The following UBE3D variants were observed in gnomAD, a reference collection of about 807,000 sequenced individuals.
UBE3D encodes the protein ubiquitin protein ligase E3D.
Under a neutral mutation model 49.6 loss-of-function variants are expected in UBE3D, and 48 were observed. The observed-to-expected ratio is 0.97, with a 90% CI of 0.77 to 1.23. The LOEUF (loss-of-function observed/expected upper bound fraction) is 1.23, where lower values mean the gene tolerates loss of function less well. Among genes scored for constraint, UBE3D ranks in the 50% most tolerant of loss-of-function variants. The probability of loss-of-function intolerance (pLI) is 0.00; values close to 1 mark genes in which losing one functional copy is unlikely to be tolerated. For missense variants in UBE3D, 452 were observed against 468.4 expected, an observed-to-expected ratio of 0.96 and a Z score of 0.32; for synonymous variants, 189 against 174.2, an observed-to-expected ratio of 1.08 and a Z score of -0.67.
chr6:82,954,056 A>T (rs1775987489), intron 9 of UBE3D, among the ~76,000 whole-genome samples: 1 of 152,184 alleles, frequency 6.6e-6, no homozygotes, highest in African/African-American at 2.4e-5. Context: ...GCAGAGTGAG[A>T]GTGAGAGAGC....
chr6:83,018,683 A>T, intron 8 of UBE3D: 1 of 309,494 alleles, frequency 3.2e-6, no homozygotes, highest in Non-Finnish European at 5.9e-6. Flanking sequence ...TTATTGGTAA[A>T]TATTCATCAC....
At chr6:82,882,168 G>T in the UBE3D span, among the ~76,000 whole-genome samples, 1 of 152,094 alleles carries the variant, frequency 6.6e-6, no homozygotes, top group Admixed American at 6.6e-5. Flanking sequence ...GGAAAATCTT[G>T]CACCCTCACT....
intron 9 of UBE3D, among the ~76,000 whole-genome samples, chr6:82,921,469 T>C (rs1357142552): frequency 6.6e-6 from 1 of 152,004 alleles, no homozygotes; most frequent in Non-Finnish European, 1.5e-5. Context: ...CCATGCAAAA[T>C]AGCACACTGG....
Position 83,023,982 on chromosome 6 carries a change from G to C in UBE3D, c.724C>G (p.Pro242Ala), listed in dbSNP as rs755149882. 31 of 1,533,180 alleles carry C rather than the reference G, an allele frequency of 2.0e-5. No individual in the cohort carries two copies. Among genetic ancestry groups the C allele is most frequent in the Non-Finnish European group, 2.7e-5 (31 of 1,146,958 alleles). 95.0% of individuals were successfully genotyped at this position (1,533,180 alleles called of 1,614,324 possible). The change falls in exon 6 of 10, where the codon CCT becomes GCT. Residue 242 changes from proline to alanine, a missense_variant. Pro to Ala is a conservative substitution (Grantham distance 27). Transcript: ENST00000369747. ...IIIQSSERSFPIIPRSWFVQS... is the reference protein window; with the variant it reads ...IIIQSSERSFAIIPRSWFVQS... ...TGCTATTTGTACCTTGGTATGATAG[G>C]AAAACTCCTCTCAGATGACTGAATA...
chr6:82,987,279 G>A (rs58814087), intron 8 of UBE3D, among the ~76,000 whole-genome samples: 5,204 of 152,204 alleles, frequency 0.034, 146 homozygotes, highest in East Asian at 0.1. Flanking sequence ...TACTTGAAGT[G>A]CTGGGATTAA....
chr6:82,925,291 T>C (rs917510869), intron 9 of UBE3D, among the ~76,000 whole-genome samples: 1 of 152,166 alleles, frequency 6.6e-6, no homozygotes, highest in Non-Finnish European at 1.5e-5. Flanking sequence ...AGCCATCTAC[T>C]GAAACAAAAA....
At chr6:82,884,899 G>T in the UBE3D span, among the ~76,000 whole-genome samples, 1 of 152,172 alleles carries the variant, frequency 6.6e-6, no homozygotes, top group African/African-American at 2.4e-5. Context: ...AAAGTAAATT[G>T]AACTTTAGTC....
chr6:82,964,431 G>GA (rs755624463), intron 8 of UBE3D, among the ~76,000 whole-genome samples: 3 of 152,058 alleles, frequency 2.0e-5, no homozygotes, highest in East Asian at 3.8e-4. Flanking sequence ...GTGTAGAGAA[G>GA]AAAAAATGGT....
At chr6:82,940,708 G>A (rs1233928011) in intron 9 of UBE3D, among the ~76,000 whole-genome samples, 1 of 152,098 alleles carries the variant, frequency 6.6e-6, no homozygotes, top group African/African-American at 2.4e-5. Context: ...TTAATAACAG[G>A]ACCCTGAGAC....
At chr6:83,011,011 C>T (rs917874500) in intron 8 of UBE3D, among the ~76,000 whole-genome samples, 1 of 152,122 alleles carries the variant, frequency 6.6e-6, no homozygotes, top group Non-Finnish European at 1.5e-5. Context: ...ATACACATCT[C>T]CTGAGATCAT....
At chr6:82,987,700 A>T (rs1001263709) in intron 8 of UBE3D, among the ~76,000 whole-genome samples, 5 of 152,226 alleles carry the variant, frequency 3.3e-5, no homozygotes, top group Admixed American at 1.3e-4. Context: ...ATGTACTCTA[A>T]GGTCCAATCA....
At chr6:82,950,058 T>A (rs1269723283) in intron 9 of UBE3D, among the ~76,000 whole-genome samples, 1 of 152,018 alleles carries the variant, frequency 6.6e-6, no homozygotes, top group East Asian at 1.9e-4. Context: ...AAGGAAACAA[T>A]CAACAAAGTG....
chr6:83,021,574 A>G (rs1263585251), intron 7 of UBE3D, among the ~76,000 whole-genome samples: 1 of 151,622 alleles, frequency 6.6e-6, no homozygotes, highest in South Asian at 2.1e-4. Flanking sequence ...GAGAGTAAAA[A>G]ACTTGATTTT....
At chr6:82,906,393 C>G (rs1772101981) in intron 9 of UBE3D, among the ~76,000 whole-genome samples, 1 of 152,150 alleles carries the variant, frequency 6.6e-6, no homozygotes, top group Non-Finnish European at 1.5e-5. Context: ...ATGCTTTAAT[C>G]CACTGCAGTC....
intron 2 of UBE3D, among the ~76,000 whole-genome samples, chr6:83,056,419 G>A (rs1783819625): frequency 6.6e-6 from 1 of 152,110 alleles, no homozygotes; most frequent in African/African-American, 2.4e-5. Flanking sequence ...AGCCTCCCAT[G>A]GCCTCTTCCC....
intron 9 of UBE3D, among the ~76,000 whole-genome samples, chr6:82,898,641 C>T (rs1400261337): frequency 1.3e-5 from 2 of 150,804 alleles, no homozygotes; most frequent in Non-Finnish European, 2.9e-5. Flanking sequence ...AACACATGGA[C>T]ACAGGGAGAG....
intron 8 of UBE3D, among the ~76,000 whole-genome samples, chr6:83,013,151 T>C (rs149160091): frequency 6.6e-6 from 1 of 152,318 alleles, no homozygotes; most frequent in Admixed American, 6.5e-5. Context: ...AATGCTGCTG[T>C]GCAGGACCAC....
chr6:83,035,053 C>T (rs779976540), intron 5 of UBE3D, among the ~76,000 whole-genome samples: 2 of 151,746 alleles, frequency 1.3e-5, no homozygotes, highest in Non-Finnish European at 2.9e-5. Flanking sequence ...TGGTGGTATG[C>T]ACCTGTGGTC....
intron 4 of UBE3D, among the ~76,000 whole-genome samples, chr6:83,042,343 A>C (rs1782733970): frequency 6.6e-6 from 1 of 152,236 alleles, no homozygotes; most frequent in Non-Finnish European, 1.5e-5. Context: ...CAAAGCCTCC[A>C]ATAAAGTATT....
Sources: allele counts gnomAD v4.1 joint callset (sites outside exome capture counted in the v4.1 genomes callset), GRCh38; gene constraint gnomAD v4.1.1; transcripts MANE v1.5; gene names NCBI Gene and HGNC (gene_info 2026-07-23, HGNC 2026-07-21).